Variants in RAB40C observed in about 807,000 individuals in gnomAD.
The protein encoded by RAB40C is RAB40C, member RAS oncogene family, also known as ras-related protein Rab-40C.
In RAB40C, 8 loss-of-function variants were observed where a neutral mutation model predicts 28.1. That is an observed-to-expected ratio of 0.28 (90% CI 0.17 to 0.51). The LOEUF (loss-of-function observed/expected upper bound fraction) is 0.51, where lower values mean the gene tolerates loss of function less well. Among genes scored for constraint, RAB40C ranks in the 20% least tolerant of loss-of-function variants. The probability of loss-of-function intolerance (pLI) is 0.97; values close to 1 mark genes in which losing one functional copy is unlikely to be tolerated. For missense variants in RAB40C, 288 were observed against 405.9 expected, an observed-to-expected ratio of 0.71 and a Z score of 2.50; for synonymous variants, 201 against 171.7, an observed-to-expected ratio of 1.17 and a Z score of -1.34.
rs901043455 is a variant in RAB40C at position 617,069 on chromosome 16, C to G, written c.143-139C>G. The G allele has an allele frequency of 1.2e-5, 10 of 865,910 alleles. No individual in the cohort carries two copies. In the African/African-American group the frequency reaches 1.3e-4, roughly 12 times the overall value. 53.6% of individuals were successfully genotyped at this position (865,910 alleles called of 1,614,324 possible). On this transcript the variant is annotated intron_variant, in intron 1 of 5. Transcript: ENST00000248139. The stretch of plus-strand genomic sequence containing the variant: ...CCAGAGCCCCGAGATTTCCCCCTGC[C>G]CCACTGGCTGAGTGTGGGGGAGCTG...
intron 5 of RAB40C, 119 bp downstream of exon 5, chr16:626,240 C>A: frequency 9.7e-7 from 1 of 1,035,508 alleles, no homozygotes; most frequent in Non-Finnish European, 1.4e-6. Flanking sequence ...CTTGGCAACG[C>A]GCAGTAGGGG....
chr16:594,779 T>G (rs1363373392), intron 1 of RAB40C, among the ~76,000 whole-genome samples: 1 of 151,892 alleles, frequency 6.6e-6, no homozygotes, highest in Non-Finnish European at 1.5e-5. Flanking sequence ...CCAGAGTCCC[T>G]TCTCCTCCCC....
At position 610,086 on chromosome 16, in the gene RAB40C, G is replaced by C. The variant is rs144857040; in HGVS notation, c.143-7122G>C. On this transcript the variant is annotated intron_variant, in intron 1 of 5. Coordinates refer to ENST00000248139, the MANE Select transcript of RAB40C (RefSeq NM_021168.5). This position sits in a 1 kb window ranked among gnomAD's most constrained non-coding sequence, Gnocchi z 4.6. ...TGTAGCCTCATACCAGCCCAGCTGG[G>C]AGTCCGCTTGCTGAGACTTGGTCTC... Among the ~76,000 whole-genome samples, 1,893 of 152,348 alleles carry C rather than the reference G, an allele frequency of 0.012. 19 individuals carry two copies. The highest frequency in any genetic ancestry group is 0.02 in the Non-Finnish European group (1,340 of 68,024).
In RAB40C at chr16:626,086, G is replaced by A. The variant is rs2036825030; in HGVS notation, c.530G>A (p.Arg177Gln). 5 of 1,613,062 alleles carry A rather than the reference G, an allele frequency of 3.1e-6. No individual in the cohort carries two copies. The highest frequency in any genetic ancestry group is 1.1e-5 in the South Asian group (1 of 91,090). ...FTELSRIVLM[R>Q]HGMEKIWRPN... ...GAGCTATCCCGCATCGTGCTCATGC[G>A]GCACGGCATGGAGAAGATCTGGAGG... is the stretch of plus-strand genomic sequence containing the variant. Residue 177 changes from arginine to glutamine, a missense_variant, in exon 5 of 6, where the codon CGG (arginine) becomes CAG (glutamine). Arg to Gln is a conservative substitution (Grantham distance 43, BLOSUM62 1). Transcript: ENST00000248139.
At chr16:595,392 G>A (rs894765912) in intron 1 of RAB40C, among the ~76,000 whole-genome samples, 3 of 152,182 alleles carry the variant, frequency 2.0e-5, no homozygotes, top group Non-Finnish European at 4.4e-5. Flanking sequence ...GTGAAGCAGC[G>A]GGCTTCATGG....
chr16:616,180 C>T (rs917745351), intron 1 of RAB40C, among the ~76,000 whole-genome samples: 6 of 150,424 alleles, frequency 4.0e-5, no homozygotes, highest in South Asian at 4.2e-4. Context: ...GGCGTGAACC[C>T]GGGAGACGGA....
chr16:590,563 C>T (rs2035969784), intron 1 of RAB40C, 130 bp downstream of exon 1: 3 of 1,218,806 alleles, frequency 2.5e-6, no homozygotes, highest in Admixed American at 4.2e-5. Context: ...GCCTGGCTTC[C>T]AGACTCGGTA....
At chr16:595,727 C>G (rs904657332) in intron 1 of RAB40C, among the ~76,000 whole-genome samples, 2 of 151,902 alleles carry the variant, frequency 1.3e-5, no homozygotes, top group Admixed American at 6.6e-5. Flanking sequence ...CTCAGCCTCC[C>G]GAGTAGCTGG....
At chr16:621,121 C>G (rs2036707406) in intron 3 of RAB40C, among the ~76,000 whole-genome samples, 1 of 152,250 alleles carries the variant, frequency 6.6e-6, no homozygotes, top group Admixed American at 6.5e-5. Context: ...GTTACAGACC[C>G]AGGTGCACAT....
chr16:617,554 A>G (rs73485428), intron 2 of RAB40C, among the ~76,000 whole-genome samples: 6,763 of 152,166 alleles, frequency 0.044, 483 homozygotes, highest in African/African-American at 0.15. Context: ...CTTAAAAAGC[A>G]TTTCCCAGCG....
rs200209367 is a variant in RAB40C, at chr16:617,204, G to T, written c.143-4G>T. ...TCCCCTCAGCGCCCTGTGCTTCCTC[G>T]CAGGGATCGACTACAAGACCACCAC... On this transcript the variant is annotated splice_region_variant and splice_polypyrimidine_tract_variant and intron_variant, in intron 1 of 5. Transcript: ENST00000248139. 5.6e-6 allele frequency: 9 copies of T among 1,613,686 alleles called. No homozygotes were observed. Among genetic ancestry groups the T allele is most frequent in the Non-Finnish European group, 6.8e-6 (8 of 1,179,968 alleles).
intron 3 of RAB40C, chr16:624,057 C>T: frequency 1.0e-6 from 1 of 985,484 alleles, no homozygotes; most frequent in Non-Finnish European, 1.2e-6. Flanking sequence ...TCAGCATCTG[C>T]ACGGTACATT....
chr16:608,253 G>A (rs747355526), intron 1 of RAB40C, among the ~76,000 whole-genome samples: 40 of 152,136 alleles, frequency 2.6e-4, no homozygotes, highest in Non-Finnish European at 5.1e-4. Context: ...ATCAGGTGTC[G>A]GGAGAACTCA....
intron 1 of RAB40C, among the ~76,000 whole-genome samples, chr16:594,185 C>T (rs1410228305): frequency 1.6e-4 from 25 of 152,196 alleles, no homozygotes; most frequent in Non-Finnish European, 7.3e-5. Flanking sequence ...CCTCCCGCCA[C>T]GTTGGTCAGG....
At chr16:596,842 C>G (rs2036137083) in intron 1 of RAB40C, among the ~76,000 whole-genome samples, 1 of 152,182 alleles carries the variant, frequency 6.6e-6, no homozygotes, top group African/African-American at 2.4e-5. Flanking sequence ...GCAGGGTGGA[C>G]TCGCACTTTG....
chr16:624,499 G>A (rs2036785384), intron 3 of RAB40C: 1 of 985,340 alleles, frequency 1.0e-6, no homozygotes, highest in African/African-American at 1.7e-5. Flanking sequence ...TGTCAACCTT[G>A]TTCTAAACAG....
At chr16:597,672 G>A (rs1240579120) in intron 1 of RAB40C, among the ~76,000 whole-genome samples, 1 of 151,732 alleles carries the variant, frequency 6.6e-6, no homozygotes, top group Non-Finnish European at 1.5e-5. Flanking sequence ...ATTTTTAGTA[G>A]AGACAGAGGT....
intron 1 of RAB40C, among the ~76,000 whole-genome samples, chr16:602,543 C>G (rs931963787): frequency 1.3e-5 from 2 of 152,156 alleles, no homozygotes; most frequent in African/African-American, 4.8e-5. Flanking sequence ...AGCCTCTTGC[C>G]TCAGCCCCCC....
At chr16:590,525 G>A (rs2035968621) in intron 1 of RAB40C, 92 bp downstream of exon 1, 3 of 1,354,770 alleles carry the variant, frequency 2.2e-6, no homozygotes, top group Non-Finnish European at 1.9e-6. Flanking sequence ...CCTTCCAAGC[G>A]CCGCCGAACG....
Sources: allele counts gnomAD v4.1 joint callset (sites outside exome capture counted in the v4.1 genomes callset), GRCh38; gene constraint gnomAD v4.1.1; non-coding constraint Gnocchi (gnomAD v3.1); transcripts MANE v1.5; gene names NCBI Gene and HGNC (gene_info 2026-07-23, HGNC 2026-07-21).